Variants in TOP1 observed in about 807,000 individuals in gnomAD.
TOP1 encodes DNA topoisomerase I, also known as DNA topoisomerase 1.
TOP1 carries 10 observed loss-of-function variants against 111.1 expected under a neutral mutation model. The ratio of observed to expected loss-of-function variants is 0.09; its 90% CI spans 0.06 to 0.15. TOP1 has a LOEUF of 0.15. Ranked by LOEUF, TOP1 falls within the 10% of genes least tolerant of loss-of-function variation. The pLI is 1.00. For synonymous variants in TOP1, 271 were observed against 302.9 expected, an observed-to-expected ratio of 0.89 and a Z score of 1.10; for missense variants, 474 against 926.7, an observed-to-expected ratio of 0.51 and a Z score of 6.34.
chr20:41,075,916 G>A (rs1328684594), intron 3 of TOP1, among the ~76,000 whole-genome samples: 1 of 152,124 alleles, frequency 6.6e-6, no homozygotes, highest in Non-Finnish European at 1.5e-5. Flanking sequence ...ACACAGGGCT[G>A]GCTGTGTATT....
At chr20:41,044,893 T>C (rs2122601189) in intron 2 of TOP1, among the ~76,000 whole-genome samples, 1 of 152,262 alleles carries the variant, frequency 6.6e-6, no homozygotes, top group South Asian at 2.1e-4. Flanking sequence ...CAGGCTCAGG[T>C]GATTCGACCC....
chr20:41,036,723 C>T (rs1485829822), intron 2 of TOP1, among the ~76,000 whole-genome samples: 2 of 152,056 alleles, frequency 1.3e-5, no homozygotes, highest in African/African-American at 4.8e-5. Context: ...ATCAGCAGAG[C>T]CTACACTGAT....
At position 41,061,673 on chromosome 20, in the gene TOP1, TC is replaced by T. The variant is rs1259598332; in HGVS notation, c.155+184del. On this transcript the variant is annotated intron_variant, in intron 3 of 20. Coordinates refer to ENST00000361337, the MANE Select transcript of TOP1 (RefSeq NM_003286.4). This position sits in a 1 kb window ranked among gnomAD's most constrained non-coding sequence, Gnocchi z 4.6. ...TAGGCCTTAAATGGGATGCCATTGTTCAGATCAAGATGTATAAAGCAAGTAT... is the reference window on the plus strand; with the variant it reads ...TAGGCCTTAAATGGGATGCCATTGTTAGATCAAGATGTATAAAGCAAGTAT... Among the ~76,000 whole-genome samples the T allele has an allele frequency of 6.6e-6, 1 of 152,214 alleles. No homozygotes were observed. The highest frequency in any genetic ancestry group is 1.5e-5 in the Non-Finnish European group (1 of 68,036).
chr20:41,118,362 C>G lies in TOP1; in HGVS notation c.1950+66C>G. The G allele has an allele frequency of 6.3e-7, 1 of 1,588,502 alleles. No homozygotes were observed. The highest frequency in any genetic ancestry group is 1.7e-5 in the Admixed American group (1 of 58,596). On this transcript the variant is annotated intron_variant, in intron 18 of 20. Coordinates refer to ENST00000361337, the MANE Select transcript of TOP1 (RefSeq NM_003286.4). This position sits in a 1 kb window ranked among gnomAD's most constrained non-coding sequence, Gnocchi z 4.6. ...CAGATTATCTGCGAATGAGAGGATTCAGGGCTGAGATATCAGCAGGCCAGT... is the reference window on the plus strand; with the variant it reads ...CAGATTATCTGCGAATGAGAGGATTGAGGGCTGAGATATCAGCAGGCCAGT...
intron 13 of TOP1, among the ~76,000 whole-genome samples, chr20:41,103,912 C>T (rs1411030250): frequency 9.2e-5 from 14 of 151,978 alleles, no homozygotes; most frequent in Admixed American, 8.5e-4. Context: ...TCAGGTACCC[C>T]GGTATACTCT....
Position 41,101,305 on chromosome 20 carries a change from C to A in TOP1, c.1260C>A (p.Ile420=). 6.2e-7 allele frequency: 1 copy of A among 1,614,142 alleles called. No homozygotes were observed. The highest frequency in any genetic ancestry group is 8.5e-7 in the Non-Finnish European group (1 of 1,179,996). ...VTWLVSWTEN[I]QGSIKYIMLN... ...GGCTGGTTTCCTGGACAGAGAACAT[C>A]CAAGGTTCCATTAAATACATCATGC... The change falls in exon 13 of 21, where the codon ATC becomes ATA. Residue 420 remains isoleucine, a synonymous_variant. Transcript: ENST00000361337. The surrounding 1 kb of genome is among the most constrained non-coding windows in gnomAD (Gnocchi z 4.1).
In TOP1 at chr20:41,029,217, T is replaced by G; in HGVS notation, c.33+117T>G. On this transcript the variant is annotated intron_variant, in intron 1 of 20. Coordinates refer to ENST00000361337, the MANE Select transcript of TOP1 (RefSeq NM_003286.4). The surrounding 1 kb of genome is among the most constrained non-coding windows in gnomAD (Gnocchi z 6.1). ...AGCTTTGACAGGCCGGAGCCCCCGG[T>G]GAGGGGCCGCCTGCCGGAGTAGATC... The G allele has an allele frequency of 1.1e-6, 1 of 879,986 alleles. No individual in the cohort carries two copies. The highest frequency in any genetic ancestry group is 1.6e-6 in the Non-Finnish European group (1 of 634,610). 54.5% of individuals were successfully genotyped at this position (879,986 alleles called of 1,614,324 possible).
At position 41,110,246 on chromosome 20, in the gene TOP1, CTG is replaced by C. The variant is rs965517951; in HGVS notation, c.1309-2534_1309-2533del. Among the ~76,000 whole-genome samples the C allele has an allele frequency of 8.8e-4, 134 of 152,192 alleles. No homozygotes were observed. Among genetic ancestry groups the C allele is most frequent in the African/African-American group, 3.0e-3 (125 of 41,518 alleles). On this transcript the variant is annotated intron_variant, in intron 13 of 20. Transcript: ENST00000361337. This position sits in a 1 kb window ranked among gnomAD's most constrained non-coding sequence, Gnocchi z 4.2. ...GTTGCACTGAGCCGAGATTGCATCA[CTG>C]TACTCCAGCCTGGTGACAGAGCGAG...
Position 41,072,288 on chromosome 20 carries a change from A to G in TOP1, c.156-3883A>G, listed in dbSNP as rs907040150. 4.4e-5 allele frequency: 43 copies of G among 985,080 alleles called. 1 individual carries two copies. In the African/African-American group the frequency reaches 7.5e-4, roughly 17 times the overall value. 61.0% of individuals were successfully genotyped at this position (985,080 alleles called of 1,614,324 possible). A position where few individuals can be genotyped will look rare whatever the true frequency, so the allele number is the denominator to read the frequency against. On this transcript the variant is annotated intron_variant, in intron 3 of 20. Transcript: ENST00000361337. Reference sequence around the variant, plus strand: ...AAGTAGCAGGATCAGTATGAAGATAATACAGTATCTCTTAAAACAGGCAGC... The same window carrying G: ...AAGTAGCAGGATCAGTATGAAGATAGTACAGTATCTCTTAAAACAGGCAGC...
intron 18 of TOP1, among the ~76,000 whole-genome samples, chr20:41,119,297 T>G (rs1163736866): frequency 6.6e-6 from 1 of 152,066 alleles, no homozygotes; most frequent in Non-Finnish European, 1.5e-5. Context: ...TTCCCCATAT[T>G]CATAACTGAA....
chr20:41,078,575 A>G lies in TOP1; in HGVS notation c.335+938A>G, dbSNP rs894419824. Reference sequence around the variant, plus strand: ...TGTTCTAGGAATGCAGAATAATACAATTCAGGAAGCATTAGAGCTGCAAGC... The same window carrying G: ...TGTTCTAGGAATGCAGAATAATACAGTTCAGGAAGCATTAGAGCTGCAAGC... On this transcript the variant is annotated intron_variant, in intron 5 of 20. Transcript: ENST00000361337. The surrounding 1 kb of genome is among the most constrained non-coding windows in gnomAD (Gnocchi z 5.3). 2.6e-5 allele frequency among the ~76,000 whole-genome samples: 4 copies of G among 152,196 alleles called. No individual in the cohort carries two copies. Among genetic ancestry groups the G allele is most frequent in the Non-Finnish European group, 5.9e-5 (4 of 68,038 alleles).
In TOP1 at chr20:41,046,474, T is replaced by TG. The variant is rs761028637; in HGVS notation, c.59-14915dup. 7.9e-5 allele frequency among the ~76,000 whole-genome samples: 12 copies of TG among 152,194 alleles called. No individual in the cohort carries two copies. The highest frequency in any genetic ancestry group is 1.3e-4 in the Non-Finnish European group (9 of 68,016). On this transcript the variant is annotated intron_variant, in intron 2 of 20. Coordinates refer to ENST00000361337, the MANE Select transcript of TOP1 (RefSeq NM_003286.4). This position sits in a 1 kb window ranked among gnomAD's most constrained non-coding sequence, Gnocchi z 4.3. Reference sequence around the variant, plus strand: ...GCTGTGGTGGAATTACCCATCAGACTGGGGGCGCCCATCTCTTCACTTATG... The same window carrying TG: ...GCTGTGGTGGAATTACCCATCAGACTGGGGGGCGCCCATCTCTTCACTTATG...
intron 2 of TOP1, among the ~76,000 whole-genome samples, chr20:41,036,056 T>G (rs1447395526): frequency 6.6e-6 from 1 of 152,238 alleles, no homozygotes; most frequent in Non-Finnish European, 1.5e-5. Context: ...GCATTAAATC[T>G]GAATTGAATA....
chr20:41,116,112 A>G lies in TOP1; in HGVS notation c.1708-166A>G, dbSNP rs952112631. On this transcript the variant is annotated intron_variant, in intron 16 of 20. Coordinates refer to ENST00000361337, the MANE Select transcript of TOP1 (RefSeq NM_003286.4). The surrounding 1 kb of genome is among the most constrained non-coding windows in gnomAD (Gnocchi z 5.6). ...TTGAAATACTTCATAGAGAGGCATC[A>G]TGTAACCCTGTATTCTGGAATTCTT... 6.6e-6 allele frequency among the ~76,000 whole-genome samples: 1 copy of G among 152,194 alleles called. No individual in the cohort carries two copies. The highest frequency in any genetic ancestry group is 1.9e-4 in the East Asian group (1 of 5,194).
At chr20:41,065,888 G>A (rs2033600617) in intron 3 of TOP1, among the ~76,000 whole-genome samples, 1 of 152,080 alleles carries the variant, frequency 6.6e-6, no homozygotes, top group Non-Finnish European at 1.5e-5. Context: ...TGTATACCTA[G>A]GAGTAGAATT....
chr20:41,100,133 T>C lies in TOP1; in HGVS notation c.1053T>C (p.Ala351=), dbSNP rs2034038918. The C allele has an allele frequency of 6.2e-7, 1 of 1,613,992 alleles. No homozygotes were observed. The highest frequency in any genetic ancestry group is 8.5e-7 in the Non-Finnish European group (1 of 1,179,890). Residue 351 remains alanine, a synonymous_variant, in exon 12 of 21, where the codon GCT becomes GCC. Coordinates refer to ENST00000361337, the MANE Select transcript of TOP1 (RefSeq NM_003286.4). This position sits in a 1 kb window ranked among gnomAD's most constrained non-coding sequence, Gnocchi z 4.4. ...CIMDNHKERI[A]NFKIEPPGLF... is the part of the protein sequence containing the mutation. ...TGGATAACCACAAAGAGAGGATTGCTAACTTCAAGATAGAGCCTCCTGGAC... is the reference window on the plus strand; with the variant it reads ...TGGATAACCACAAAGAGAGGATTGCCAACTTCAAGATAGAGCCTCCTGGAC...
At chr20:41,075,064 C>G (rs1413502402) in intron 3 of TOP1, among the ~76,000 whole-genome samples, 1 of 152,094 alleles carries the variant, frequency 6.6e-6, no homozygotes, top group Non-Finnish European at 1.5e-5. Flanking sequence ...ACAGTTTCCC[C>G]TCTTGTTAGG....
chr20:41,039,864 G>A (rs1199083381), intron 2 of TOP1, among the ~76,000 whole-genome samples: 1 of 151,956 alleles, frequency 6.6e-6, no homozygotes, highest in African/African-American at 2.4e-5. Flanking sequence ...CCGAGATTGC[G>A]CCACTGCACT....
chr20:41,073,132 T>G, intron 3 of TOP1: 5 of 985,320 alleles, frequency 5.1e-6, no homozygotes, highest in Non-Finnish European at 6.0e-6. Context: ...TGATCTCTGT[T>G]TGGTGTGATA....
Sources: allele counts gnomAD v4.1 joint callset (sites outside exome capture counted in the v4.1 genomes callset), GRCh38; gene constraint gnomAD v4.1.1; non-coding constraint Gnocchi (gnomAD v3.1); transcripts MANE v1.5; gene names NCBI Gene and HGNC (gene_info 2026-07-23, HGNC 2026-07-21).